The following COL6A1 variants were observed in gnomAD, a reference collection of about 807,000 sequenced individuals.
COL6A1 encodes the protein collagen alpha-1(VI) chain.
Under a neutral mutation model 145.6 loss-of-function variants are expected in COL6A1, and 80 were observed. The ratio of observed to expected loss-of-function variants is 0.55; its 90% CI spans 0.46 to 0.66. The LOEUF (loss-of-function observed/expected upper bound fraction) is 0.66, where lower values mean the gene tolerates loss of function less well. Among genes scored for constraint, COL6A1 ranks in the 30% least tolerant of loss-of-function variants. The pLI is 0.00. For missense variants in COL6A1, 1,364 were observed against 1,473.8 expected, an observed-to-expected ratio of 0.93 and a Z score of 1.22; for synonymous variants, 638 against 622.8, an observed-to-expected ratio of 1.02 and a Z score of -0.36.
intron 3 of COL6A1, 112 bp from the exon 4 acceptor site, chr21:45,986,412 AAG>A: frequency 5.8e-6 from 6 of 1,031,354 alleles, no homozygotes; most frequent in Non-Finnish European, 8.8e-6. Flanking sequence ...AGGATCAGCA[AAG>A]AGAGGCGGCT....
chr21:46,000,636 G>C (rs949235872), intron 28 of COL6A1, 123 bp from the exon 29 acceptor site: 81 of 1,371,374 alleles, frequency 5.9e-5, no homozygotes, highest in Non-Finnish European at 7.9e-5. Context: ...GCCGGGGAAG[G>C]GGGGAGGCCG....
rs1349873072 is a variant in COL6A1, at chr21:45,990,994, C to T, written c.1072C>T (p.Pro358Ser). 2 of 1,613,418 alleles carry T rather than the reference C, an allele frequency of 1.2e-6. No homozygotes were observed. The highest frequency in any genetic ancestry group is 1.7e-5 in the Admixed American group (1 of 60,016). Residue 358 changes from proline to serine, a missense_variant, in exon 15 of 35, where the codon CCT becomes TCT. Physicochemically the swap from Pro to Ser is moderately conservative, Grantham distance 74. This residue lies in a region of COL6A1 where 938 missense variants were observed against 1,003.8 expected (regional missense o/e 0.93). Coordinates refer to ENST00000361866, the MANE Select transcript of COL6A1 (RefSeq NM_001848.3). ...TTTTCTCCAGGGCATTCAAGGACCC[C>T]CTGGCCCCAAGGGAGACCCCGGTGC... ...SPGFDGIQGP[P>S]GPKGDPGAFG...
Position 45,994,304 on chromosome 21 carries a change from C to T in COL6A1, c.1398+75C>T. The T allele has an allele frequency of 1.5e-6, 2 of 1,349,464 alleles. No individual in the cohort carries two copies. The highest frequency in any genetic ancestry group is 1.2e-5 in the South Asian group (1 of 80,544). The allele number at this position is 1,349,464 out of a possible 1,614,324, so 83.6% of individuals were successfully genotyped here. A position where few individuals can be genotyped will look rare whatever the true frequency, so the allele number is the denominator to read the frequency against. On this transcript the variant is annotated intron_variant, in intron 20 of 34. Transcript: ENST00000361866. This position sits in a 1 kb window ranked among gnomAD's most constrained non-coding sequence, Gnocchi z 6.8. ...GGTAGAAGTGCTCCAGCAGCTCACG[C>T]ACTGGGGGTCTGTTCATTTCCGTTT... is the stretch of plus-strand genomic sequence containing the variant.
intron 33 of COL6A1, 40 bp downstream of exon 33, chr21:46,002,750 G>T (rs1569519152): frequency 1.3e-6 from 2 of 1,555,756 alleles, no homozygotes; most frequent in Admixed American, 1.7e-5. Flanking sequence ...GATCTGCGTA[G>T]GTGCGCGCGG....
chr21:45,988,839 G>A (rs1000078400), intron 8 of COL6A1, among the ~76,000 whole-genome samples: 11 of 152,080 alleles, frequency 7.2e-5, no homozygotes, highest in African/African-American at 2.2e-4. Flanking sequence ...TGTGCTGCAC[G>A]TCCCTCCCAC....
chr21:46,004,950 G>C lies in COL6A1; in HGVS notation c.*937G>C, dbSNP rs1477951914. On this transcript the variant is annotated 3_prime_UTR_variant, in exon 35 of 35. Transcript: ENST00000361866. ...GTGATGTGTTCGACGTTTTATCAAAGGCCCCCTTTCTATGTTCATGTTAGT... is the reference window on the plus strand; with the variant it reads ...GTGATGTGTTCGACGTTTTATCAAACGCCCCCTTTCTATGTTCATGTTAGT... 6.5e-6 allele frequency: 1 copy of C among 153,886 alleles called. No individual in the cohort carries two copies. Among genetic ancestry groups the C allele is most frequent in the Non-Finnish European group, 1.5e-5 (1 of 68,862 alleles). The allele number at this position is 153,886 out of a possible 1,614,324, so 9.5% of individuals were successfully genotyped here.
intron 9 of COL6A1, 129 bp downstream of exon 9, chr21:45,989,266 G>T (rs1199628260): frequency 3.9e-6 from 4 of 1,038,508 alleles, no homozygotes; most frequent in Admixed American, 2.5e-5. Context: ...TTGTGGGTGG[G>T]AGCAGACCTG....
Position 45,987,814 on chromosome 21 carries a change from G to A in COL6A1, c.804+160G>A, listed in dbSNP as rs1399608511. The stretch of plus-strand genomic sequence containing the variant: ...CGGGGGTCCAGATGGAGGGGACGGC[G>A]GGAGTCCAGATGGAGGGGATGGCGG... On this transcript the variant is annotated intron_variant, in intron 8 of 34. Transcript: ENST00000361866. 3.9e-5 allele frequency among the ~76,000 whole-genome samples: 2 copies of A among 51,006 alleles called. 1 individual carries two copies. The highest frequency in any genetic ancestry group is 1.5e-4 in the African/African-American group (2 of 13,062). 33.5% of individuals were successfully genotyped at this position (51,006 alleles called of 152,430 possible).
chr21:45,993,956 C>T (rs906921064), intron 19 of COL6A1, among the ~76,000 whole-genome samples: 2 of 152,208 alleles, frequency 1.3e-5, no homozygotes, highest in Non-Finnish European at 2.9e-5. Flanking sequence ...TGCCGGCCTC[C>T]TGAATGAAGA....
At chr21:45,995,031 C>T (rs1428082804) in intron 20 of COL6A1, among the ~76,000 whole-genome samples, 7 of 152,258 alleles carry the variant, frequency 4.6e-5, no homozygotes, top group Non-Finnish European at 7.3e-5. Flanking sequence ...AAGATGGGGC[C>T]TCAGACCCAG....
intron 18 of COL6A1, 68 bp downstream of exon 18, chr21:45,992,466 C>A: frequency 6.4e-7 from 1 of 1,556,236 alleles, no homozygotes; most frequent in Non-Finnish European, 8.8e-7. Flanking sequence ...CCTCTGCGGC[C>A]CAGTCTGGCC....
Position 46,004,529 on chromosome 21 carries a change from C to A in COL6A1, c.*516C>A. ...GCTGGTTTTTCCCACCAATCCTCAC[C>A]TAACAGTTACTTTACAATTAAACTC... is the stretch of plus-strand genomic sequence containing the variant. On this transcript the variant is annotated 3_prime_UTR_variant, in exon 35 of 35. Coordinates refer to ENST00000361866, the MANE Select transcript of COL6A1 (RefSeq NM_001848.3). The A allele has an allele frequency of 3.1e-6, 1 of 319,422 alleles. No individual in the cohort carries two copies. The highest frequency in any genetic ancestry group is 6.5e-6 in the Non-Finnish European group (1 of 153,874). 19.8% of individuals were successfully genotyped at this position (319,422 alleles called of 1,614,324 possible).
rs2077851448 is a variant in COL6A1, at chr21:46,002,311, C to A, written c.2160C>A (p.Asn720Lys). ...ACCAGCTGCTGCCGCCCAGCCCGAA[C>A]AACCGCATCGCCCTGGTCATCACTG... ...TRDQLLPPSP[N>K]NRIALVITDG... Residue 720 changes from asparagine to lysine, a missense_variant, in exon 32 of 35, where the codon AAC becomes AAA. Coordinates refer to ENST00000361866, the MANE Select transcript of COL6A1 (RefSeq NM_001848.3). 6.3e-7 allele frequency: 1 copy of A among 1,593,546 alleles called. No homozygotes were observed. Among genetic ancestry groups the A allele is most frequent in the Non-Finnish European group, 8.5e-7 (1 of 1,171,938 alleles).
In COL6A1 at chr21:45,986,622, T is replaced by C. The variant is rs761552446; in HGVS notation, c.525T>C (p.Ala175=). Reference sequence around the variant, plus strand: ...AACCCTGTGGGGGGCTGGAGGATGCTGTGAACGAGGCCAAGCACCTGGGCG... The same window carrying C: ...AACCCTGTGGGGGGCTGGAGGATGCCGTGAACGAGGCCAAGCACCTGGGCG... ...YKEPCGGLED[A]VNEAKHLGVK... is the part of the protein sequence containing the mutation. The change falls in exon 4 of 35, where the codon GCT becomes GCC. Residue 175 remains alanine, a synonymous_variant. Coordinates refer to ENST00000361866, the MANE Select transcript of COL6A1 (RefSeq NM_001848.3). 6.4e-7 allele frequency: 1 copy of C among 1,554,942 alleles called. No homozygotes were observed. The highest frequency in any genetic ancestry group is 8.7e-7 in the Non-Finnish European group (1 of 1,149,622).
Position 45,981,871 on chromosome 21 carries a change from G to A in COL6A1, c.21G>A (p.Leu7=). The A allele has an allele frequency of 6.3e-7, 1 of 1,596,466 alleles. No homozygotes were observed. Among genetic ancestry groups the A allele is most frequent in the South Asian group, 1.1e-5 (1 of 88,226 alleles). ...CAGACATGAGGGCGGCCCGTGCTCTGCTGCCCCTGCTGCTGCAGGCCTGCT... is the reference window on the plus strand; with the variant it reads ...CAGACATGAGGGCGGCCCGTGCTCTACTGCCCCTGCTGCTGCAGGCCTGCT... The part of the protein sequence containing the change: MRAARA[L]LPLLLQACWT... The change falls in exon 1 of 35, where the codon CTG becomes CTA. Residue 7 remains leucine (L), a synonymous_variant. Coordinates refer to ENST00000361866, the MANE Select transcript of COL6A1 (RefSeq NM_001848.3).
chr21:45,990,648 G>A, intron 13 of COL6A1, 125 bp from the exon 14 acceptor site: 1 of 855,672 alleles, frequency 1.2e-6, no homozygotes, highest in South Asian at 1.4e-5. Flanking sequence ...CCCCAGGGGG[G>A]TGTCTGCTAG....
At position 46,001,355 on chromosome 21, in the gene COL6A1, T is replaced by A; in HGVS notation, c.1925T>A (p.Ile642Asn). The A allele has an allele frequency of 6.2e-7, 1 of 1,612,492 alleles. No individual in the cohort carries two copies. Among genetic ancestry groups the A allele is most frequent in the Non-Finnish European group, 8.5e-7 (1 of 1,179,878 alleles). The change falls in exon 30 of 35, where the codon ATC (isoleucine) becomes AAC (asparagine). Residue 642 changes from isoleucine to asparagine, a missense_variant. Ile to Asn is a moderately radical substitution (Grantham distance 149). This residue lies in a region of COL6A1 where 938 missense variants were observed against 1,003.8 expected (regional missense o/e 0.93). Transcript: ENST00000361866. ...GCCAAGGACTTCGTCGTCAAGGTCA[T>A]CGACCGGCTGAGCCGGGACGAGCTG... ...EIAKDFVVKV[I>N]DRLSRDELVK...
At chr21:46,002,877 C>T (rs1056776024) in intron 33 of COL6A1, among the ~76,000 whole-genome samples, 167 bp downstream of exon 33, 3 of 151,738 alleles carry the variant, frequency 2.0e-5, no homozygotes, top group South Asian at 2.1e-4. Context: ...TGTAGGTGCG[C>T]GCAGGCGCCC....
Position 46,002,573 on chromosome 21 carries a change from C to T in COL6A1, c.2297C>T (p.Ser766Leu). 6.2e-7 allele frequency: 1 copy of T among 1,614,164 alleles called. No individual in the cohort carries two copies. Among genetic ancestry groups the T allele is most frequent in the Non-Finnish European group, 8.5e-7 (1 of 1,180,014 alleles). The part of the protein sequence containing the change: ...IKDVFDFIPG[S>L]DQLNVISCQG... ...GACGTGTTTGACTTCATCCCAGGCT[C>T]AGACCAGCTCAATGTCATTTCTTGC... Residue 766 changes from serine to leucine, a missense_variant, in exon 33 of 35, where the codon TCA becomes TTA. Coordinates refer to ENST00000361866, the MANE Select transcript of COL6A1 (RefSeq NM_001848.3).
Sources: allele counts gnomAD v4.1 joint callset (sites outside exome capture counted in the v4.1 genomes callset), GRCh38; gene constraint gnomAD v4.1.1; regional missense constraint gnomAD v4.1.1; non-coding constraint Gnocchi (gnomAD v3.1); transcripts MANE v1.5; gene names NCBI Gene and HGNC (gene_info 2026-07-23, HGNC 2026-07-21).